The following DIP2C variants were observed in gnomAD, a reference collection of about 807,000 sequenced individuals.
DIP2C encodes the protein disco-interacting protein 2 homolog C.
A neutral mutation model predicts 192.4 loss-of-function variants in DIP2C; 33 were observed. The ratio of observed to expected loss-of-function variants is 0.17; its 90% confidence interval spans 0.13 to 0.23. The LOEUF is 0.23. DIP2C is among the 10% of genes least tolerant of loss of function. The probability of loss-of-function intolerance (pLI) is 1.00; values close to 1 mark genes in which losing one functional copy is unlikely to be tolerated. For missense variants in DIP2C, 1,537 were observed against 2,110.1 expected (o/e 0.73, Z 5.32); for synonymous variants, 979 against 864.1 (o/e 1.13, Z -2.33).
chr10:330,812 A>ATTTTTT (rs56343363), intron 29 of DIP2C, among the ~76,000 whole-genome samples: 1 of 133,388 alleles, frequency 7.5e-6, no homozygotes, highest in African/African-American at 2.8e-5. Flanking sequence ...AACCTACACA[A>ATTTTTT]TTTTTTTTTT....
chr10:331,295 T>C (rs901604172), intron 29 of DIP2C, among the ~76,000 whole-genome samples: 1 of 152,202 alleles, frequency 6.6e-6, no homozygotes, highest in South Asian at 2.1e-4. Context: ...CTAACAAAAT[T>C]TATTTCAAAC....
Position 383,949 on chromosome 10 carries a change from C to T in DIP2C, c.1876+78G>A, listed in dbSNP as rs1406903706. On this transcript the variant is annotated intron_variant, in intron 16 of 36. Coordinates refer to ENST00000280886, the MANE Select transcript of DIP2C (RefSeq NM_014974.3). ...GGAAAAAATAAAAAAGACTTCACAG[C>T]CTGCCTGCCTCACGAAAAAAAAAAA... 5.7e-6 allele frequency: 8 copies of T among 1,403,206 alleles called. No individual in the cohort carries two copies. In the African/African-American group the frequency reaches 1.4e-4, roughly 24 times the overall value. 86.9% of individuals were successfully genotyped at this position (1,403,206 alleles called of 1,614,324 possible). A position where few individuals can be genotyped will look rare whatever the true frequency, so the allele number is the denominator to read the frequency against.
intron 17 of DIP2C, among the ~76,000 whole-genome samples, chr10:377,483 G>A (rs577776361): frequency 1.8e-4 from 27 of 152,364 alleles, no homozygotes; most frequent in African/African-American, 5.5e-4. Flanking sequence ...TCTGGGTCAC[G>A]TGATTTTCAT....
intron 1 of DIP2C, among the ~76,000 whole-genome samples, chr10:522,917 A>G (rs1418893926): frequency 6.6e-6 from 1 of 151,966 alleles, no homozygotes; most frequent in Non-Finnish European, 1.5e-5. Context: ...ACCTGAGCAA[A>G]GGACCCTGGA....
At chr10:414,924 T>C (rs998288975) in intron 7 of DIP2C, among the ~76,000 whole-genome samples, 1 of 125,978 alleles carries the variant, frequency 7.9e-6, no homozygotes, top group Non-Finnish European at 1.6e-5. Context: ...TTTTTTTTGG[T>C]AGAGACAGGG....
intron 2 of DIP2C, among the ~76,000 whole-genome samples, chr10:484,563 A>G (rs1433829501): frequency 6.6e-6 from 1 of 152,206 alleles, no homozygotes; most frequent in Non-Finnish European, 1.5e-5. Flanking sequence ...GCAACGTTCT[A>G]CTTCAATAGG....
intron 4 of DIP2C, among the ~76,000 whole-genome samples, chr10:425,545 AAT>A (rs1966536144): frequency 2.2e-5 from 3 of 138,390 alleles, no homozygotes; most frequent in Admixed American, 1.4e-4. Context: ...AGTGGTGACT[AAT>A]ATGACACGGA....
chr10:551,734 G>A (rs1327192185), intron 1 of DIP2C, among the ~76,000 whole-genome samples: 1 of 152,192 alleles, frequency 6.6e-6, no homozygotes, highest in Non-Finnish European at 1.5e-5. Flanking sequence ...GCCCACACAG[G>A]TACAGAATTC....
chr10:414,956 G>A (rs1386410777), intron 7 of DIP2C, among the ~76,000 whole-genome samples: 2 of 137,442 alleles, frequency 1.5e-5, no homozygotes, highest in Admixed American at 1.5e-4. Flanking sequence ...TGCCCAGGCT[G>A]GTCTCGAACT....
chr10:649,897 G>C (rs1280754845), intron 1 of DIP2C: 10 of 574,486 alleles, frequency 1.7e-5, no homozygotes, highest in Non-Finnish European at 2.8e-5. Context: ...CCTTGTGGGG[G>C]GGTGCCCGTC....
chr10:655,411 A>G (rs1856218687), intron 1 of DIP2C, among the ~76,000 whole-genome samples: 1 of 151,580 alleles, frequency 6.6e-6, no homozygotes, highest in Admixed American at 6.6e-5. Context: ...GTGCTATGCG[A>G]CTCTACTATT....
intron 1 of DIP2C, among the ~76,000 whole-genome samples, chr10:550,626 G>A (rs762323791): frequency 6.6e-6 from 1 of 152,102 alleles, no homozygotes; most frequent in Non-Finnish European, 1.5e-5. Context: ...ACAAATAACC[G>A]CAGAGCGTCT....
intron 1 of DIP2C, among the ~76,000 whole-genome samples, chr10:575,728 G>A (rs937118060): frequency 1.3e-5 from 2 of 152,176 alleles, no homozygotes; most frequent in Non-Finnish European, 1.5e-5. Context: ...CATAGGGAGG[G>A]CAGGGCAAGC....
At chr10:411,127 G>A (rs933523145) in intron 8 of DIP2C, among the ~76,000 whole-genome samples, 7 of 152,190 alleles carry the variant, frequency 4.6e-5, no homozygotes, top group African/African-American at 1.4e-4. Context: ...CAGAAAGGTG[G>A]CCCAGCGTGC....
At chr10:298,164 A>C (rs564142674) in intron 32 of DIP2C, among the ~76,000 whole-genome samples, 1 of 152,264 alleles carries the variant, frequency 6.6e-6, no homozygotes, top group African/African-American at 2.4e-5. Context: ...TCCACATGAC[A>C]ATTGGCCGTC....
In DIP2C at chr10:653,756, C is replaced by T. The variant is rs896921282; in HGVS notation, c.85+35738G>A. Among the ~76,000 whole-genome samples, 7 of 152,198 alleles carry T rather than the reference C, an allele frequency of 4.6e-5. No individual in the cohort carries two copies. In the South Asian group the frequency reaches 1.0e-3, roughly 23 times the overall value. Reference sequence around the variant, plus strand: ...CCAATTGTGCTGTGGCCCTAACCTCCGAGGACTCAGCAATCATCCACAGCA... The same window carrying T: ...CCAATTGTGCTGTGGCCCTAACCTCTGAGGACTCAGCAATCATCCACAGCA... On this transcript the variant is annotated intron_variant, in intron 1 of 36. Coordinates refer to ENST00000280886, the MANE Select transcript of DIP2C (RefSeq NM_014974.3).
intron 3 of DIP2C, among the ~76,000 whole-genome samples, chr10:463,564 G>A (rs975223555): frequency 6.6e-6 from 1 of 152,126 alleles, no homozygotes; most frequent in Non-Finnish European, 1.5e-5. Context: ...TGGCCATATT[G>A]CCCAAAGTAA....
In DIP2C at chr10:362,230, G is replaced by A. The variant is rs537438033; in HGVS notation, c.2794+260C>T. On this transcript the variant is annotated intron_variant, in intron 22 of 36. Coordinates refer to ENST00000280886, the MANE Select transcript of DIP2C (RefSeq NM_014974.3). Reference sequence around the variant, plus strand: ...CTTCAGGAGAATGAGCTTTTGCTACGGGAGAACAGAGCCAGTAAGTTACGT... The same window carrying A: ...CTTCAGGAGAATGAGCTTTTGCTACAGGAGAACAGAGCCAGTAAGTTACGT... 4.3e-3 allele frequency among the ~76,000 whole-genome samples: 658 copies of A among 152,298 alleles called. 1 individual carries two copies. Among genetic ancestry groups the A allele is most frequent in the Middle Eastern group, 6.8e-3 (2 of 294 alleles).
intron 1 of DIP2C, among the ~76,000 whole-genome samples, chr10:579,681 G>A (rs2168471): frequency 0.022 from 3,286 of 152,090 alleles, 115 homozygotes; most frequent in African/African-American, 0.075. Flanking sequence ...GTACGTAAGT[G>A]CAGTATAACA....
Sources: allele counts gnomAD v4.1 joint callset (sites outside exome capture counted in the v4.1 genomes callset), GRCh38; gene constraint gnomAD v4.1.1; transcripts MANE v1.5; gene names NCBI Gene and HGNC (gene_info 2026-07-23, HGNC 2026-07-21).